Variants in EGFR observed in about 807,000 individuals in gnomAD.
EGFR encodes the protein epidermal growth factor receptor.
In EGFR, 58 loss-of-function variants were observed where a neutral mutation model predicts 143.0. That is an observed-to-expected ratio of 0.41 (90% CI 0.33 to 0.50). The LOEUF (loss-of-function observed/expected upper bound fraction) is 0.50, where lower values mean the gene tolerates loss of function less well. Among genes scored for constraint, EGFR ranks in the 20% least tolerant of loss-of-function variants. EGFR has a pLI of 0.39. For synonymous variants in EGFR, 613 were observed against 594.4 expected (o/e 1.03, Z -0.45); for missense variants, 1,307 against 1,579.0 (o/e 0.83, Z 2.92).
chr7:55,132,169 A>C (rs1022735860), intron 1 of EGFR, among the ~76,000 whole-genome samples: 2 of 152,160 alleles, frequency 1.3e-5, no homozygotes, highest in Non-Finnish European at 2.9e-5. Flanking sequence ...ACATGGGTAA[A>C]AATTGAAGAA....
At chr7:55,180,462 G>C (rs1786808523) in intron 19 of EGFR, 1 of 152,294 alleles carries the variant, frequency 6.6e-6, no homozygotes, top group Non-Finnish European at 1.5e-5. Flanking sequence ...CCCTGCCTTG[G>C]CAGCCAGCCG....
At chr7:55,186,692 C>G (rs141882653) in intron 20 of EGFR, among the ~76,000 whole-genome samples, 1 of 152,312 alleles carries the variant, frequency 6.6e-6, no homozygotes, top group African/African-American at 2.4e-5. Context: ...GACATTTTGA[C>G]TAGTTATTTC....
At chr7:55,136,829 G>A (rs1239728956) in intron 1 of EGFR, among the ~76,000 whole-genome samples, 1 of 152,246 alleles carries the variant, frequency 6.6e-6, no homozygotes, top group African/African-American at 2.4e-5. Flanking sequence ...ACAGTGGACT[G>A]TGTCACCAGC....
At chr7:55,191,443 G>A (rs894828456) in intron 20 of EGFR, among the ~76,000 whole-genome samples, 9 of 152,080 alleles carry the variant, frequency 5.9e-5, no homozygotes, top group Admixed American at 5.9e-4. Context: ...GTCTCAACTG[G>A]GCAGCAGAGC....
intron 1 of EGFR, among the ~76,000 whole-genome samples, chr7:55,065,643 A>C (rs1222518449): frequency 6.6e-6 from 1 of 152,184 alleles, no homozygotes; most frequent in African/African-American, 2.4e-5. Flanking sequence ...CATGTTAGCT[A>C]TGGCTGTGAA....
intron 26 of EGFR, among the ~76,000 whole-genome samples, chr7:55,202,104 T>G (rs950213032): frequency 1.3e-5 from 2 of 152,204 alleles, no homozygotes; most frequent in African/African-American, 4.8e-5. Flanking sequence ...TCTGTTGAAG[T>G]GTGAGGCCGT....
Position 55,054,273 on chromosome 7 carries a change from C to T in EGFR, c.88+34908C>T, listed in dbSNP as rs150124936. ...GCCTATCATTCTACCTCTAACTCGA[C>T]CTTGAGTGACCTTGAGCAAGTTTCT... On this transcript the variant is annotated intron_variant, in intron 1 of 27. Transcript: ENST00000275493. Among the ~76,000 whole-genome samples, 6 of 152,242 alleles carry T rather than the reference C, an allele frequency of 3.9e-5. No individual in the cohort carries two copies. The East Asian group carries it at 1.2e-3, about 29-fold the overall frequency.
At chr7:55,159,997 A>AGT in intron 11 of EGFR, 142 bp from the exon 12 acceptor site, 1 of 818,024 alleles carries the variant, frequency 1.2e-6, no homozygotes, top group East Asian at 2.7e-5. Context: ...CAAAAGGTGC[A>AGT]GTGTGTGCCT....
chr7:55,019,149 G>C lies in EGFR; in HGVS notation c.-129G>C, dbSNP rs1259203889. ...GCGGCCGCCGCCGCCCAGACCGGAC[G>C]ACAGGCCACCTCGTCGGCGTCCGCC... On this transcript the variant is annotated 5_prime_UTR_variant, in exon 1 of 28. Transcript: ENST00000275493. 2.8e-6 allele frequency: 2 copies of C among 718,014 alleles called. No individual in the cohort carries two copies. Among genetic ancestry groups the C allele is most frequent in the African/African-American group, 3.8e-5 (2 of 53,066 alleles). 44.5% of individuals were successfully genotyped at this position (718,014 alleles called of 1,614,324 possible).
chr7:55,122,883 A>G (rs1248392263), intron 1 of EGFR, among the ~76,000 whole-genome samples: 1 of 152,182 alleles, frequency 6.6e-6, no homozygotes, highest in Non-Finnish European at 1.5e-5. Context: ...CTGCCATTCA[A>G]CTGAGTTCCC....
intron 1 of EGFR, among the ~76,000 whole-genome samples, chr7:55,033,032 A>G (rs1787351037): frequency 6.6e-6 from 1 of 152,364 alleles, no homozygotes; most frequent in East Asian, 1.9e-4. Context: ...CAGTATGTCC[A>G]AAATTGTCAT....
At chr7:55,184,582 G>A (rs1409130072) in intron 20 of EGFR, among the ~76,000 whole-genome samples, 1 of 152,192 alleles carries the variant, frequency 6.6e-6, no homozygotes, top group African/African-American at 2.4e-5. Flanking sequence ...AGTTTCCAGG[G>A]CCTGAAAGTT....
rs753319070 is a variant in EGFR at position 55,143,314 on chromosome 7, G to A, written c.250G>A (p.Glu84Lys). ...TGTTTTCTCTTCTTAGACCATCCAG[G>A]AGGTGGCTGGTTATGTCCTCATTGC... ...YDLSFLKTIQEVAGYVLIALN... is the reference protein window; with the variant it reads ...YDLSFLKTIQKVAGYVLIALN... Residue 84 changes from glutamate (E) to lysine (K), a missense_variant, in exon 3 of 28, where the codon GAG (glutamate) becomes AAG (lysine). Around this residue, in one of 7 missense-constraint regions of EGFR, gnomAD observed 311 missense variants for 412.3 expected, o/e 0.75. Coordinates refer to ENST00000275493, the MANE Select transcript of EGFR (RefSeq NM_005228.5). The A allele has an allele frequency of 2.5e-6, 4 of 1,614,194 alleles. No homozygotes were observed. Among genetic ancestry groups the A allele is most frequent in the Non-Finnish European group, 3.4e-6 (4 of 1,180,032 alleles).
chr7:55,076,233 C>T (rs1790123893), intron 1 of EGFR, among the ~76,000 whole-genome samples: 2 of 152,136 alleles, frequency 1.3e-5, no homozygotes, highest in Admixed American at 1.3e-4. Flanking sequence ...AAATATGATT[C>T]TCAGTACAAA....
chr7:55,164,800 G>A (rs780565727), intron 14 of EGFR, among the ~76,000 whole-genome samples: 12 of 152,172 alleles, frequency 7.9e-5, no homozygotes, highest in Non-Finnish European at 1.5e-4. Flanking sequence ...AGAAGGTAGC[G>A]TATGACTCAG....
chr7:55,121,064 C>T (rs767771772), intron 1 of EGFR, among the ~76,000 whole-genome samples: 2 of 152,106 alleles, frequency 1.3e-5, no homozygotes, highest in Non-Finnish European at 1.5e-5. Flanking sequence ...TGGAAGATTC[C>T]ATGAACTAAA....
intron 1 of EGFR, among the ~76,000 whole-genome samples, chr7:55,040,010 A>G (rs1443748756): frequency 5.9e-5 from 9 of 152,200 alleles, no homozygotes; most frequent in African/African-American, 1.9e-4. Context: ...CTTACTATAC[A>G]CTGATGGTGA....
chr7:55,108,897 C>T (rs1263687012), intron 1 of EGFR, among the ~76,000 whole-genome samples: 1 of 152,168 alleles, frequency 6.6e-6, no homozygotes, highest in Non-Finnish European at 1.5e-5. Context: ...AACTAAGCAC[C>T]TCAACACAGG....
Position 55,146,490 on chromosome 7 carries a change from C to G in EGFR, c.425-116C>G, listed in dbSNP as rs904599892. The G allele has an allele frequency of 6.5e-6, 10 of 1,530,278 alleles. No individual in the cohort carries two copies. The Admixed American group carries it at 1.7e-4, about 26-fold the overall frequency. 94.8% of individuals were successfully genotyped at this position (1,530,278 alleles called of 1,614,324 possible). On this transcript the variant is annotated intron_variant, in intron 3 of 27. Transcript: ENST00000275493. ...AGTTCACTGGGCTAATTGCGGGACTCTTGTTCGCACCATGGCATCTCTTTA... is the reference window on the plus strand; with the variant it reads ...AGTTCACTGGGCTAATTGCGGGACTGTTGTTCGCACCATGGCATCTCTTTA...
Sources: allele counts gnomAD v4.1 joint callset (sites outside exome capture counted in the v4.1 genomes callset), GRCh38; gene constraint gnomAD v4.1.1; regional missense constraint gnomAD v4.1.1; transcripts MANE v1.5; gene names NCBI Gene and HGNC (gene_info 2026-07-23, HGNC 2026-07-21).